The following RGS22 variants were observed in gnomAD, a reference collection of about 807,000 sequenced individuals.
RGS22 encodes regulator of G-protein signaling 22.
Under a neutral mutation model 172.9 loss-of-function variants are expected in RGS22, and 148 were observed. The observed-to-expected ratio is 0.86, with a 90% CI of 0.75 to 0.98. The LOEUF is 0.98. RGS22 is among the 50% of genes least tolerant of loss of function. RGS22 has a pLI of 0.00. For synonymous variants in RGS22, 458 were observed against 480.2 expected (o/e 0.95, Z 0.60); for missense variants, 1,347 against 1,440.8 (o/e 0.93, Z 1.05).
intron 20 of RGS22, among the ~76,000 whole-genome samples, chr8:99,994,992 C>A (rs1203326274): frequency 6.6e-6 from 1 of 152,080 alleles, no homozygotes; most frequent in African/African-American, 2.4e-5. Context: ...CTTTGACAAA[C>A]CTGACAAAAA....
intron 23 of RGS22, among the ~76,000 whole-genome samples, chr8:99,974,486 A>G (rs1811705240): frequency 6.6e-6 from 1 of 152,220 alleles, no homozygotes; most frequent in Non-Finnish European, 1.5e-5. Context: ...GAGAAAAAAA[A>G]GATTAAAACT....
At chr8:99,997,390 G>A (rs955025656) in intron 19 of RGS22, among the ~76,000 whole-genome samples, 1 of 152,222 alleles carries the variant, frequency 6.6e-6, no homozygotes, top group African/African-American at 2.4e-5. Context: ...ACTTTGGATA[G>A]AGAATTGGAG....
intron 20 of RGS22, among the ~76,000 whole-genome samples, chr8:99,990,787 C>T (rs960605650): frequency 1.3e-5 from 2 of 152,198 alleles, no homozygotes; most frequent in Non-Finnish European, 1.5e-5. Context: ...GCTCTGAGAA[C>T]GGACAGACTG....
At chr8:99,964,916 G>T (rs911397156) in intron 24 of RGS22, among the ~76,000 whole-genome samples, 3 of 152,110 alleles carry the variant, frequency 2.0e-5, no homozygotes, top group African/African-American at 4.8e-5. Context: ...ATGTATTGGT[G>T]GATGGTCATG....
intron 3 of RGS22, among the ~76,000 whole-genome samples, chr8:100,082,895 G>T (rs1811869040): frequency 6.6e-6 from 1 of 152,214 alleles, no homozygotes; most frequent in South Asian, 2.1e-4. Flanking sequence ...GCAACATGGT[G>T]TATGTGGGTA....
intron 17 of RGS22, 113 bp from the exon 18 acceptor site, chr8:100,002,477 G>T: frequency 2.1e-6 from 2 of 940,006 alleles, no homozygotes; most frequent in Non-Finnish European, 3.1e-6. Flanking sequence ...TTGACTAGTA[G>T]CATTAGATCA....
chr8:100,062,319 T>A (rs1810201306), intron 9 of RGS22, among the ~76,000 whole-genome samples: 1 of 148,568 alleles, frequency 6.7e-6, no homozygotes, highest in Non-Finnish European at 1.5e-5. Flanking sequence ...TAAAAGTAAA[T>A]AAATAAATAA....
chr8:100,078,679 G>A (rs1265323846), intron 4 of RGS22, among the ~76,000 whole-genome samples: 1 of 151,978 alleles, frequency 6.6e-6, no homozygotes, highest in Non-Finnish European at 1.5e-5. Flanking sequence ...AGACTGGAAT[G>A]CAGTGGTGTG....
At chr8:100,060,581 GCTAGGAATAC>G (rs1271356857) in intron 9 of RGS22, among the ~76,000 whole-genome samples, 2 of 151,422 alleles carry the variant, frequency 1.3e-5, no homozygotes. Context: ...TAGCAATATA[GCTAGGAATAC>G]CTAGGAATAC....
chr8:100,002,757 T>C (rs1288894323), intron 17 of RGS22, among the ~76,000 whole-genome samples: 4 of 152,072 alleles, frequency 2.6e-5, no homozygotes, highest in South Asian at 2.1e-4. Context: ...TACCAAAAAA[T>C]AGAAAGCTTG....
Position 100,015,618 on chromosome 8 carries a change from T to C in RGS22, c.2167-7049A>G, listed in dbSNP as rs141150546. On this transcript the variant is annotated intron_variant, in intron 14 of 27. Coordinates refer to ENST00000360863, the MANE Select transcript of RGS22 (RefSeq NM_015668.5). ...TCCAGTTTTCATTAATAATATACCATTCATAGTATAATTTTTGACTCTTCC... is the reference window on the plus strand; with the variant it reads ...TCCAGTTTTCATTAATAATATACCACTCATAGTATAATTTTTGACTCTTCC... Among the ~76,000 whole-genome samples the C allele has an allele frequency of 6.0e-4, 91 of 152,248 alleles. No individual in the cohort carries two copies. In the East Asian group the frequency reaches 0.015, roughly 26 times the overall value.
chr8:100,050,379 C>A (rs1358608364), intron 10 of RGS22, among the ~76,000 whole-genome samples: 1 of 152,138 alleles, frequency 6.6e-6, no homozygotes, highest in African/African-American at 2.4e-5. Context: ...TCTCTGAAGG[C>A]GGGACCCCTG....
At chr8:100,055,725 T>C (rs1822171884) in intron 9 of RGS22, among the ~76,000 whole-genome samples, 1 of 152,238 alleles carries the variant, frequency 6.6e-6, no homozygotes, top group Non-Finnish European at 1.5e-5. Context: ...CAAGTTCTTT[T>C]GCCTGCTGCC....
intron 2 of RGS22, among the ~76,000 whole-genome samples, chr8:100,098,722 A>C (rs945673567): frequency 3.3e-5 from 5 of 150,552 alleles, no homozygotes; most frequent in African/African-American, 7.4e-5. Flanking sequence ...CTTCTCTTCT[A>C]TTCTCTTTTC....
At position 100,008,452 on chromosome 8, in the gene RGS22, C is replaced by G. The variant is rs765453638; in HGVS notation, c.2284G>C (p.Ala762Pro). The G allele has an allele frequency of 6.2e-7, 1 of 1,613,522 alleles. No homozygotes were observed. The highest frequency in any genetic ancestry group is 8.5e-7 in the Non-Finnish European group (1 of 1,179,862). ...QPPFEDLFDT[A>P]EEYILLLLLE... ...AGGAGGAGAAGGATATATTCCTCTG[C>G]TGTGTCAAAAAGGTCTTCAAATGGT... is the stretch of plus-strand genomic sequence containing the variant. The change falls in exon 15 of 28, where the codon GCA becomes CCA. Residue 762 changes from alanine (A) to proline (P), a missense_variant. Coordinates refer to ENST00000360863, the MANE Select transcript of RGS22 (RefSeq NM_015668.5).
At position 99,996,450 on chromosome 8, in the gene RGS22, A is replaced by C. The variant is rs1376536302; in HGVS notation, c.3018+12T>G. On this transcript the variant is annotated intron_variant, in intron 20 of 27. Transcript: ENST00000360863. ...AACTTACAAGAGGAAGAATATAACA[A>C]ACATTACTTGCCTTCCAGACCCCGA... The C allele has an allele frequency of 1.2e-6, 2 of 1,606,418 alleles. No individual in the cohort carries two copies. The highest frequency in any genetic ancestry group is 8.5e-7 in the Non-Finnish European group (1 of 1,173,544).
intron 21 of RGS22, among the ~76,000 whole-genome samples, chr8:99,983,271 A>G (rs2131217293): frequency 6.6e-6 from 1 of 152,294 alleles, no homozygotes; most frequent in Admixed American, 6.5e-5. Context: ...ACATATGTGT[A>G]CATTTATCTT....
At chr8:100,104,323 T>A (rs75973059) in intron 2 of RGS22, among the ~76,000 whole-genome samples, 1 of 129,208 alleles carries the variant, frequency 7.7e-6, no homozygotes. Flanking sequence ...TGTCTCAAAA[T>A]ATGTGCGTGT....
intron 20 of RGS22, among the ~76,000 whole-genome samples, chr8:99,993,096 C>T (rs1813940869): frequency 2.0e-5 from 3 of 152,168 alleles, no homozygotes; most frequent in South Asian, 4.1e-4. Context: ...GTACCAGAAC[C>T]TCTGGGACAC....
Sources: allele counts gnomAD v4.1 joint callset (sites outside exome capture counted in the v4.1 genomes callset), GRCh38; gene constraint gnomAD v4.1.1; transcripts MANE v1.5; gene names NCBI Gene and HGNC (gene_info 2026-07-23, HGNC 2026-07-21).